The following PCDHA7 variants were observed in gnomAD, a reference collection of about 807,000 sequenced individuals.
The protein encoded by PCDHA7 is protocadherin alpha 7.
PCDHA7 carries 37 observed loss-of-function variants against 57.2 expected under a neutral mutation model. That is an observed-to-expected ratio of 0.65 (90% CI 0.50 to 0.85). PCDHA7 has a LOEUF of 0.85. Among genes scored for constraint, PCDHA7 ranks in the 40% least tolerant of loss-of-function variants. The pLI is 0.00. For synonymous variants in PCDHA7, 553 were observed against 558.8 expected, an observed-to-expected ratio of 0.99 and a Z score of 0.15; for missense variants, 1,188 against 1,241.8, an observed-to-expected ratio of 0.96 and a Z score of 0.65.
At chr5:140,855,129 T>A (rs1294464792) in intron 1 of PCDHA7, among the ~76,000 whole-genome samples, 1 of 149,788 alleles carries the variant, frequency 6.7e-6, no homozygotes, top group African/African-American at 2.4e-5. Context: ...TAGGTAATAA[T>A]TTTGCCTGAT....
intron 1 of PCDHA7, among the ~76,000 whole-genome samples, chr5:140,976,378 C>T (rs908008970): frequency 6.6e-6 from 1 of 151,926 alleles, no homozygotes; most frequent in Admixed American, 6.6e-5. Context: ...TGGTGAAACC[C>T]CATCTCTACT....
chr5:140,852,909 C>T lies in PCDHA7; in HGVS notation c.2355+16171C>T, dbSNP rs2150524759. On this transcript the variant is annotated intron_variant, in intron 1 of 3. Transcript: ENST00000525929. ...TATTTTTTTTTTTGAGTCAGAGTCTCGCTCTGTTGCCCAGGCTGGAGTGCA... is the reference window on the plus strand; with the variant it reads ...TATTTTTTTTTTTGAGTCAGAGTCTTGCTCTGTTGCCCAGGCTGGAGTGCA... The T allele has an allele frequency of 5.3e-4, 419 of 797,890 alleles. 9 individuals carry two copies. The South Asian group carries it at 0.02, about 38-fold the overall frequency. The allele number at this position is 797,890 out of a possible 1,614,324, so 49.4% of individuals were successfully genotyped here.
intron 1 of PCDHA7, among the ~76,000 whole-genome samples, chr5:140,854,943 T>C (rs1157657888): frequency 6.7e-6 from 1 of 149,922 alleles, no homozygotes; most frequent in East Asian, 1.9e-4. Flanking sequence ...GCAGAAATAA[T>C]AAATTTCTTA....
intron 1 of PCDHA7, among the ~76,000 whole-genome samples, chr5:140,905,438 C>T (rs182288757): frequency 1.5e-4 from 23 of 152,228 alleles, no homozygotes; most frequent in Non-Finnish European, 2.4e-4. Flanking sequence ...TAACTACAGC[C>T]TTTTAGTATA....
chr5:140,967,121 C>T, intron 1 of PCDHA7: 1 of 1,612,916 alleles, frequency 6.2e-7, no homozygotes, highest in East Asian at 2.2e-5. Flanking sequence ...TCGCTGCCTG[C>T]TCAGCTTGGA....
intron 1 of PCDHA7, among the ~76,000 whole-genome samples, chr5:140,879,549 A>T (rs1345193552): frequency 2.0e-5 from 3 of 152,246 alleles, no homozygotes; most frequent in Admixed American, 6.5e-5. Context: ...AGAGAAAAAA[A>T]TAATCCATGA....
In PCDHA7 at chr5:140,960,243, G is replaced by A. The variant is rs531821446; in HGVS notation, c.2356-18706G>A. On this transcript the variant is annotated intron_variant, in intron 1 of 3. Coordinates refer to ENST00000525929, the MANE Select transcript of PCDHA7 (RefSeq NM_018910.3). The stretch of plus-strand genomic sequence containing the variant: ...AGAAACAGAGCCATGGTAAAAAGAA[G>A]CTTCCTGGAGCTTCTGATAAATTCC... 3.9e-5 allele frequency among the ~76,000 whole-genome samples: 6 copies of A among 152,270 alleles called. No individual in the cohort carries two copies. The East Asian group carries it at 1.2e-3, about 29-fold the overall frequency.
At chr5:140,985,047 C>T (rs1417890181) in intron 3 of PCDHA7, among the ~76,000 whole-genome samples, 5 of 152,076 alleles carry the variant, frequency 3.3e-5, no homozygotes, top group African/African-American at 9.7e-5. Context: ...AAGTGATTCT[C>T]CTGCCTCAGC....
chr5:140,956,585 T>G (rs1004549488), intron 1 of PCDHA7, among the ~76,000 whole-genome samples: 4 of 152,198 alleles, frequency 2.6e-5, no homozygotes, highest in Non-Finnish European at 5.9e-5. Flanking sequence ...CATTGATGCT[T>G]ATCAGGGATA....
At chr5:140,979,150 C>T (rs1470916466) in intron 2 of PCDHA7, 143 bp downstream of exon 2, 4 of 1,435,458 alleles carry the variant, frequency 2.8e-6, no homozygotes, top group Middle Eastern at 3.7e-4. Context: ...ATTTTGTCCC[C>T]ATGTTTATTC....
intron 1 of PCDHA7, among the ~76,000 whole-genome samples, chr5:140,901,078 T>TAAA (rs1554189579): frequency 6.6e-6 from 1 of 152,120 alleles, no homozygotes; most frequent in East Asian, 1.9e-4. Flanking sequence ...TTCTATAGAG[T>TAAA]TGTTTGAGCT....
At chr5:140,998,136 C>T (rs2153950850) in intron 3 of PCDHA7, among the ~76,000 whole-genome samples, 1 of 152,308 alleles carries the variant, frequency 6.6e-6, no homozygotes, top group South Asian at 2.1e-4. Context: ...TAATAGCTAA[C>T]CTGTACTGAA....
At chr5:140,936,240 CAT>C (rs1282249217) in intron 1 of PCDHA7, among the ~76,000 whole-genome samples, 3 of 152,152 alleles carry the variant, frequency 2.0e-5, no homozygotes, top group Non-Finnish European at 4.4e-5. Flanking sequence ...TTAAAGAAAA[CAT>C]ATCCTGCTTC....
In PCDHA7 at chr5:140,928,040, GC is replaced by G. The variant is rs782389793; in HGVS notation, c.2356-50906del. The G allele has an allele frequency of 2.1e-4, 337 of 1,614,060 alleles. 1 individual carries two copies. Among genetic ancestry groups the G allele is most frequent in the Non-Finnish European group, 2.6e-4 (309 of 1,180,038 alleles). ...GTCATTTGTGGCATGTCTAGTGCAG[GC>G]CCTTTTCAGCTGACGGCTTCCTTTG... is the stretch of plus-strand genomic sequence containing the variant. On this transcript the variant is annotated intron_variant, in intron 1 of 3. Coordinates refer to ENST00000525929, the MANE Select transcript of PCDHA7 (RefSeq NM_018910.3).
rs185929013 is a variant in PCDHA7 at position 140,956,196 on chromosome 5, T to G, written c.2356-22753T>G. 2.6e-5 allele frequency among the ~76,000 whole-genome samples: 4 copies of G among 152,188 alleles called. No homozygotes were observed. In the East Asian group the frequency reaches 7.7e-4, roughly 29 times the overall value. On this transcript the variant is annotated intron_variant, in intron 1 of 3. Coordinates refer to ENST00000525929, the MANE Select transcript of PCDHA7 (RefSeq NM_018910.3). The stretch of plus-strand genomic sequence containing the variant: ...CTTCCAATACTATGCTGAATAGGAG[T>G]GGTGAAAGAGGGCATCCTTGTCTTG...
intron 1 of PCDHA7, chr5:140,969,351 G>T: frequency 6.2e-7 from 1 of 1,612,990 alleles, no homozygotes; most frequent in Non-Finnish European, 8.5e-7. Flanking sequence ...TGGTCAGGGG[G>T]TCTTCTACAA....
chr5:140,853,613 A>G, intron 1 of PCDHA7: 1 of 988,108 alleles, frequency 1.0e-6, no homozygotes, highest in Non-Finnish European at 1.2e-6. Context: ...GGGGTGCTGT[A>G]AATAAGTATA....
intron 1 of PCDHA7, chr5:140,967,975 T>C (rs781819149): frequency 3.2e-5 from 52 of 1,614,016 alleles, no homozygotes; most frequent in African/African-American, 5.3e-5. Context: ...TGAGCCTGGG[T>C]CTGGAGGCCA....
rs191774551 is a variant in PCDHA7, at chr5:140,984,794, A to C, written c.2503+2231A>C. Among the ~76,000 whole-genome samples, 4 of 152,294 alleles carry C rather than the reference A, an allele frequency of 2.6e-5. No homozygotes were observed. In the East Asian group the frequency reaches 7.7e-4, roughly 29 times the overall value. ...CTTACTTGCTGGGTGAGCATAGACA[A>C]ACTGCCTGAATTCATATTTTCTTAA... On this transcript the variant is annotated intron_variant, in intron 3 of 3. Transcript: ENST00000525929.
Sources: allele counts gnomAD v4.1 joint callset (sites outside exome capture counted in the v4.1 genomes callset), GRCh38; gene constraint gnomAD v4.1.1; transcripts MANE v1.5; gene names NCBI Gene and HGNC (gene_info 2026-07-23, HGNC 2026-07-21).